Variants in LVRN observed in about 807,000 individuals in gnomAD.
LVRN encodes aminopeptidase Q.
LVRN carries 99 observed loss-of-function variants against 111.4 expected under a neutral mutation model. That is an observed-to-expected ratio of 0.89 (90% confidence interval 0.76 to 1.05). The LOEUF (loss-of-function observed/expected upper bound fraction) is 1.05. Among genes scored for constraint, LVRN ranks in the 50% least tolerant of loss-of-function variants. LVRN has a pLI of 0.00. For synonymous variants in LVRN, 488 were observed against 449.5 expected (o/e 1.09, Z -1.08); for missense variants, 1,414 against 1,206.8 (o/e 1.17, Z -2.54).
intron 13 of LVRN, among the ~76,000 whole-genome samples, chr5:116,008,482 G>T (rs1748422531): frequency 6.6e-6 from 1 of 152,130 alleles, no homozygotes; most frequent in Non-Finnish European, 1.5e-5. Flanking sequence ...TAGTGAGGAA[G>T]GCATGTTGAA....
intron 1 of LVRN, 70 bp downstream of exon 1, chr5:115,963,382 G>C (rs895188051): frequency 1.2e-5 from 16 of 1,302,970 alleles, no homozygotes; most frequent in Non-Finnish European, 1.7e-5. Context: ...TGCGGGTCCA[G>C]CTGACTACCG....
chr5:115,991,076 G>T (rs941372900), intron 4 of LVRN, among the ~76,000 whole-genome samples: 3 of 151,878 alleles, frequency 2.0e-5, no homozygotes, highest in African/African-American at 7.3e-5. Flanking sequence ...TTATCTTAGG[G>T]TTCAGTTTTT....
intron 18 of LVRN, among the ~76,000 whole-genome samples, chr5:116,017,520 A>G (rs1342113888): frequency 6.6e-6 from 1 of 152,168 alleles, no homozygotes; most frequent in African/African-American, 2.4e-5. Context: ...GTGTCTCTTC[A>G]TTACTGTCCT....
At chr5:115,965,931 G>A (rs548493714) in intron 1 of LVRN, among the ~76,000 whole-genome samples, 24 of 152,152 alleles carry the variant, frequency 1.6e-4, no homozygotes, top group African/African-American at 5.5e-4. Context: ...CATGAGTACG[G>A]ACTAATATGG....
intron 4 of LVRN, among the ~76,000 whole-genome samples, chr5:115,991,001 A>G (rs183419812): frequency 4.6e-5 from 7 of 152,240 alleles, no homozygotes; most frequent in Admixed American, 3.3e-4. Flanking sequence ...TGTTGTCAAC[A>G]TCTTGCATTG....
chr5:115,967,714 A>G (rs1306953916), intron 1 of LVRN, among the ~76,000 whole-genome samples: 2 of 152,194 alleles, frequency 1.3e-5, no homozygotes, highest in Non-Finnish European at 2.9e-5. Flanking sequence ...GCTATCCTTA[A>G]TATTCCATTC....
intron 2 of LVRN, among the ~76,000 whole-genome samples, chr5:115,984,353 A>G (rs886298516): frequency 1.8e-4 from 28 of 152,138 alleles, no homozygotes; most frequent in African/African-American, 6.0e-4. Context: ...AATCAAGTCT[A>G]TATTATTCAA....
intron 16 of LVRN, among the ~76,000 whole-genome samples, 174 bp from the exon 17 acceptor site, chr5:116,015,078 C>A (rs979737830): frequency 6.6e-6 from 1 of 152,108 alleles, no homozygotes; most frequent in Non-Finnish European, 1.5e-5. Flanking sequence ...TTGATGATCT[C>A]TTCTCATGGA....
chr5:115,975,357 T>C, intron 1 of LVRN: 1 of 239,180 alleles, frequency 4.2e-6, no homozygotes, highest in East Asian at 1.3e-4. Flanking sequence ...TATCAACACC[T>C]TTCCTAAGGT....
intron 11 of LVRN, 64 bp downstream of exon 11, chr5:116,002,975 T>C: frequency 7.6e-7 from 1 of 1,312,796 alleles, no homozygotes; most frequent in Non-Finnish European, 1.1e-6. Context: ...GAATAAAATA[T>C]TGAAAAGTCT....
In LVRN at chr5:116,027,544, G is replaced by T. The variant is rs1455558740; in HGVS notation, c.*1426G>T. The T allele has an allele frequency of 6.6e-6, 1 of 152,196 alleles. No homozygotes were observed. Among genetic ancestry groups the T allele is most frequent in the South Asian group, 2.1e-4 (1 of 4,832 alleles). The allele number at this position is 152,196 out of a possible 1,614,324, so 9.4% of individuals were successfully genotyped here. On this transcript the variant is annotated 3_prime_UTR_variant, in exon 20 of 20. Transcript: ENST00000357872. The stretch of plus-strand genomic sequence containing the variant: ...ACTTGGCCACAGGTCATAGGTCAGA[G>T]AATTTTTTCTTCAAATGTAGAAATG...
At chr5:116,010,257 A>G (rs1350592999) in intron 13 of LVRN, among the ~76,000 whole-genome samples, 2 of 152,214 alleles carry the variant, frequency 1.3e-5, no homozygotes, top group East Asian at 3.8e-4. Flanking sequence ...TTTTATATGC[A>G]CTGGAAAATC....
chr5:115,997,101 C>T (rs1748129550), intron 6 of LVRN, among the ~76,000 whole-genome samples: 1 of 152,000 alleles, frequency 6.6e-6, no homozygotes, highest in South Asian at 2.1e-4. Flanking sequence ...TGAGCATGTC[C>T]TATTTGCTAT....
intron 4 of LVRN, among the ~76,000 whole-genome samples, chr5:115,991,787 T>C (rs1747993495): frequency 6.6e-6 from 1 of 152,242 alleles, no homozygotes; most frequent in Admixed American, 6.5e-5. Flanking sequence ...ATATGTGTAT[T>C]TGCCATTTAT....
rs146439914 is a variant in LVRN, at chr5:115,964,462, G to A, written c.695+1150G>A. On this transcript the variant is annotated intron_variant, in intron 1 of 19. Transcript: ENST00000357872. ...TTCTTTAAAAAATACATCAATGCTT[G>A]AAAAAATAGTTTTGAAATTTTCTTA... 6.3e-3 allele frequency among the ~76,000 whole-genome samples: 963 copies of A among 152,180 alleles called. 24 individuals carry two copies. The highest frequency in any genetic ancestry group is 0.022 in the African/African-American group (920 of 41,504).
chr5:115,995,421 T>C (rs9326982), intron 6 of LVRN: 59,837 of 152,222 alleles, frequency 0.39, 11,923 homozygotes, highest in South Asian at 0.48. Context: ...TGCTATAAGG[T>C]CCCCAGCCCA....
intron 18 of LVRN, among the ~76,000 whole-genome samples, chr5:116,020,489 C>T (rs73783058): frequency 0.052 from 7,924 of 152,278 alleles, 574 homozygotes; most frequent in African/African-American, 0.16. Context: ...CAAAATGAAT[C>T]TTACCCTCTT....
At chr5:115,980,367 G>T (rs558992885) in intron 1 of LVRN, among the ~76,000 whole-genome samples, 2 of 151,898 alleles carry the variant, frequency 1.3e-5, no homozygotes, top group Non-Finnish European at 2.9e-5. Flanking sequence ...AGAGCCAAAG[G>T]CTGTGTGTCG....
chr5:115,967,935 C>T (rs1753237243), intron 1 of LVRN, among the ~76,000 whole-genome samples: 1 of 151,980 alleles, frequency 6.6e-6, no homozygotes, highest in South Asian at 2.1e-4. Context: ...GATCTTGTAT[C>T]CTGTTCTCTT....
Sources: gnomAD v4.1 joint callset for allele counts (sites outside exome capture counted in the v4.1 genomes callset) on GRCh38, gnomAD v4.1.1 for gene constraint, MANE v1.5 for transcripts, NCBI Gene and HGNC (gene_info 2026-07-23, HGNC 2026-07-21) for gene names.